The following PPFIA2 variants were observed in gnomAD, a reference collection of about 807,000 sequenced individuals.
PPFIA2 encodes liprin-alpha-2.
Under a neutral mutation model 175.5 loss-of-function variants are expected in PPFIA2, and 46 were observed. That is an observed-to-expected ratio of 0.26 (90% CI 0.21 to 0.34). The LOEUF is 0.34. Ranked by LOEUF, PPFIA2 falls within the 10% of genes least tolerant of loss-of-function variation. The probability of loss-of-function intolerance (pLI) is 1.00; values close to 1 mark genes in which losing one functional copy is unlikely to be tolerated. For missense variants in PPFIA2, 1,179 were observed against 1,506.1 expected, an observed-to-expected ratio of 0.78 and a Z score of 3.60; for synonymous variants, 568 against 511.4, an observed-to-expected ratio of 1.11 and a Z score of -1.49.
At chr12:81,538,046 T>C (rs2065663802) in intron 4 of PPFIA2, among the ~76,000 whole-genome samples, 1 of 151,864 alleles carries the variant, frequency 6.6e-6, no homozygotes. Context: ...CCTCACAGTA[T>C]AGTAGGTGAG....
intron 4 of PPFIA2, among the ~76,000 whole-genome samples, chr12:81,535,191 T>C (rs1336609998): frequency 6.6e-6 from 1 of 151,742 alleles, no homozygotes; most frequent in Admixed American, 6.6e-5. Flanking sequence ...CAGCCTCAGA[T>C]GGTCTGGTAC....
At chr12:81,282,230 G>A (rs1166438489) in intron 26 of PPFIA2, among the ~76,000 whole-genome samples, 1 of 151,942 alleles carries the variant, frequency 6.6e-6, no homozygotes, top group East Asian at 1.9e-4. Context: ...TTCCCATTTA[G>A]TTCCTTATCA....
intron 2 of PPFIA2, among the ~76,000 whole-genome samples, chr12:81,757,171 C>A (rs1292937940): frequency 6.6e-6 from 1 of 152,078 alleles, no homozygotes; most frequent in Non-Finnish European, 1.5e-5. Flanking sequence ...GATATATATT[C>A]AATATAAGAG....
chr12:81,554,768 T>C (rs1594876367), intron 4 of PPFIA2, among the ~76,000 whole-genome samples: 1 of 152,208 alleles, frequency 6.6e-6, no homozygotes, highest in East Asian at 1.9e-4. Flanking sequence ...ACATTTATAG[T>C]TCTGGGATTT....
At position 81,263,681 on chromosome 12, in the gene PPFIA2, A is replaced by G. The variant is rs191570033; in HGVS notation, c.3556-291T>C. ...TAAAATAAGCAACCAATGTTTTCCA[A>G]AATAAATATTGTATATACATTGTTC... On this transcript the variant is annotated intron_variant, in intron 30 of 32. Coordinates refer to ENST00000549396, the MANE Select transcript of PPFIA2 (RefSeq NM_003625.5). 2.4e-4 allele frequency among the ~76,000 whole-genome samples: 37 copies of G among 152,338 alleles called. 1 individual carries two copies. Among genetic ancestry groups the G allele is most frequent in the Admixed American group, 2.4e-3 (37 of 15,302 alleles).
At chr12:81,500,431 T>C (rs1391464438) in intron 4 of PPFIA2, among the ~76,000 whole-genome samples, 3 of 152,192 alleles carry the variant, frequency 2.0e-5, no homozygotes, top group African/African-American at 7.2e-5. Context: ...GATTTTGAGT[T>C]CATTTGTACC....
chr12:81,389,074 G>A (rs1046463580), intron 8 of PPFIA2, among the ~76,000 whole-genome samples: 8 of 150,510 alleles, frequency 5.3e-5, no homozygotes, highest in South Asian at 2.1e-4. Flanking sequence ...GTGTTCTTTC[G>A]TGACTAGTTT....
intron 4 of PPFIA2, among the ~76,000 whole-genome samples, chr12:81,620,578 T>A (rs1035883691): frequency 6.6e-6 from 1 of 152,214 alleles, no homozygotes; most frequent in Admixed American, 6.5e-5. Flanking sequence ...TGAACTTAGA[T>A]ATCTACTACT....
intron 4 of PPFIA2, among the ~76,000 whole-genome samples, chr12:81,531,357 G>A (rs988044113): frequency 2.0e-5 from 3 of 151,692 alleles, no homozygotes; most frequent in African/African-American, 7.3e-5. Context: ...TAAATCACTA[G>A]GGTAGAAGTA....
intron 3 of PPFIA2, among the ~76,000 whole-genome samples, chr12:81,699,958 C>T (rs970004058): frequency 1.3e-5 from 2 of 151,962 alleles, no homozygotes; most frequent in Non-Finnish European, 1.5e-5. Context: ...ACTGGATGTT[C>T]ATAGTACATA....
intron 10 of PPFIA2, 45 bp downstream of exon 10, chr12:81,375,751 T>G: frequency 6.5e-7 from 1 of 1,539,922 alleles, no homozygotes; most frequent in East Asian, 2.3e-5. Flanking sequence ...GTGAGAATGA[T>G]GAGAACGCAC....
At chr12:81,730,968 T>C (rs2153639705) in intron 3 of PPFIA2, among the ~76,000 whole-genome samples, 1 of 151,738 alleles carries the variant, frequency 6.6e-6, no homozygotes, top group African/African-American at 2.4e-5. Flanking sequence ...GAAGAATCCC[T>C]ATTTAAAAAA....
At chr12:81,537,481 C>CCTTT (rs1567232297) in intron 4 of PPFIA2, among the ~76,000 whole-genome samples, 1 of 151,856 alleles carries the variant, frequency 6.6e-6, no homozygotes, top group Admixed American at 6.6e-5. Flanking sequence ...TTACTGTGTG[C>CCTTT]CTTTGCCATG....
chr12:81,609,359 G>C (rs925755911), intron 4 of PPFIA2, among the ~76,000 whole-genome samples: 2 of 151,990 alleles, frequency 1.3e-5, no homozygotes, highest in Non-Finnish European at 2.9e-5. Context: ...ACAATCTAAG[G>C]CTGTCAGTGG....
intron 3 of PPFIA2, among the ~76,000 whole-genome samples, chr12:81,690,824 T>C (rs1393662031): frequency 6.6e-6 from 1 of 152,166 alleles, no homozygotes; most frequent in Non-Finnish European, 1.5e-5. Flanking sequence ...CCTTGCCTTA[T>C]CCAGCTTTTA....
At chr12:81,352,120 C>T (rs747060113) in intron 17 of PPFIA2, among the ~76,000 whole-genome samples, 34 of 151,804 alleles carry the variant, frequency 2.2e-4, no homozygotes, top group Non-Finnish European at 4.3e-4. Flanking sequence ...ATTCATAGGC[C>T]GAAGCTGTAA....
chr12:81,370,608 T>C (rs2034829944), intron 11 of PPFIA2, among the ~76,000 whole-genome samples: 2 of 151,844 alleles, frequency 1.3e-5, no homozygotes, highest in African/African-American at 2.4e-5. Flanking sequence ...GGAAACAAAA[T>C]AGTGCCTAAA....
intron 8 of PPFIA2, among the ~76,000 whole-genome samples, chr12:81,403,567 T>C (rs1005435251): frequency 6.6e-6 from 1 of 152,136 alleles, no homozygotes; most frequent in African/African-American, 2.4e-5. Flanking sequence ...CTGTAATAAA[T>C]AGAAAACATT....
chr12:81,268,436 C>A (rs546106968), intron 28 of PPFIA2, among the ~76,000 whole-genome samples: 14 of 152,254 alleles, frequency 9.2e-5, no homozygotes, highest in East Asian at 1.9e-4. Context: ...CCGCGCCCGG[C>A]GCATTATTTT....
Sources: gnomAD v4.1 joint callset for allele counts (sites outside exome capture counted in the v4.1 genomes callset) on GRCh38, gnomAD v4.1.1 for gene constraint, MANE v1.5 for transcripts, NCBI Gene and HGNC (gene_info 2026-07-23, HGNC 2026-07-21) for gene names.